PLEKHS1: variants seen among roughly 807,000 people sequenced by gnomAD.
PLEKHS1 encodes the protein pleckstrin homology domain-containing family S member 1.
Under a neutral mutation model 51.0 loss-of-function variants are expected in PLEKHS1, and 55 were observed. That is an observed-to-expected ratio of 1.08 (90% CI 0.87 to 1.35). The LOEUF (loss-of-function observed/expected upper bound fraction) is 1.35, where lower values mean the gene tolerates loss of function less well. Among genes scored for constraint, PLEKHS1 ranks in the 40% most tolerant of loss-of-function variants. PLEKHS1 has a pLI of 0.00. For missense variants in PLEKHS1, 398 were observed against 423.0 expected (o/e 0.94, Z 0.52); for synonymous variants, 153 against 144.8 (o/e 1.06, Z -0.41).
intron 1 of PLEKHS1, among the ~76,000 whole-genome samples, chr10:113,754,876 C>T (rs373077221): frequency 7.9e-5 from 12 of 152,322 alleles, no homozygotes; most frequent in African/African-American, 2.9e-4. Flanking sequence ...GATGCTTTCT[C>T]GGCTACGTTG....
intron 2 of PLEKHS1, among the ~76,000 whole-genome samples, chr10:113,764,119 G>C (rs951663386): frequency 6.6e-6 from 1 of 152,032 alleles, no homozygotes; most frequent in Non-Finnish European, 1.5e-5. Flanking sequence ...TGTTTGTTTT[G>C]AGATGGAGTC....
chr10:113,780,310 C>G (rs997303087), intron 11 of PLEKHS1, among the ~76,000 whole-genome samples: 2 of 152,118 alleles, frequency 1.3e-5, no homozygotes, highest in African/African-American at 4.8e-5. Flanking sequence ...TTTGAAGAGG[C>G]CTTTTTAATT....
At chr10:113,770,030 T>G in intron 7 of PLEKHS1, 130 bp downstream of exon 7, 1 of 729,262 alleles carries the variant, frequency 1.4e-6, no homozygotes, top group South Asian at 1.6e-5. Context: ...TAAGAAAGAT[T>G]CTTAGCCCTG....
chr10:113,759,452 C>G (rs938589484), intron 2 of PLEKHS1, among the ~76,000 whole-genome samples: 2 of 152,200 alleles, frequency 1.3e-5, no homozygotes, highest in Non-Finnish European at 2.9e-5. Context: ...CACACCCAAT[C>G]CCAGTCCCCA....
chr10:113,754,703 C>T (rs1190066112), intron 1 of PLEKHS1, among the ~76,000 whole-genome samples: 8 of 152,092 alleles, frequency 5.3e-5, no homozygotes, highest in Non-Finnish European at 8.8e-5. Flanking sequence ...TCAGGCTGGT[C>T]TCGAACTCCT....
intron 10 of PLEKHS1, 78 bp from the exon 11 acceptor site, chr10:113,775,687 C>T (rs1433298835): frequency 2.3e-6 from 2 of 884,272 alleles, no homozygotes; most frequent in Non-Finnish European, 3.5e-6. Context: ...AAATAGAGGC[C>T]AAAAGTCTAC....
At chr10:113,765,282 A>G (rs966383680) in intron 2 of PLEKHS1, 90 of 761,072 alleles carry the variant, frequency 1.2e-4, no homozygotes, top group Non-Finnish European at 6.1e-5. Flanking sequence ...TGCTCAGTGT[A>G]GAACTAGTAA....
At chr10:113,771,938 A>G (rs1320210372) in intron 7 of PLEKHS1, 32 bp from the exon 8 acceptor site, 3 of 1,589,326 alleles carry the variant, frequency 1.9e-6, no homozygotes, top group Non-Finnish European at 2.6e-6. Context: ...CTTGCAAAGA[A>G]AAAGCAAAGC....
intron 4 of PLEKHS1, 40 bp downstream of exon 4, chr10:113,766,758 C>A (rs773454306): frequency 3.4e-5 from 49 of 1,424,202 alleles, no homozygotes; most frequent in Non-Finnish European, 3.0e-5. Flanking sequence ...ACAACAAATA[C>A]TATAAAGTCA....
At chr10:113,769,340 G>A (rs1844297638) in intron 6 of PLEKHS1, among the ~76,000 whole-genome samples, 1 of 152,182 alleles carries the variant, frequency 6.6e-6, no homozygotes, top group Non-Finnish European at 1.5e-5. Context: ...AAGGGCCTCT[G>A]CTAATGTTCC....
At chr10:113,775,120 T>A in intron 10 of PLEKHS1, 85 bp downstream of exon 10, 2 of 1,248,532 alleles carry the variant, frequency 1.6e-6, no homozygotes, top group Non-Finnish European at 1.1e-6. Context: ...AGAATTTAAA[T>A]TTTAAAGCTG....
intron 1 of PLEKHS1, among the ~76,000 whole-genome samples, 175 bp downstream of exon 1, chr10:113,751,936 T>C (rs1853860137): frequency 6.6e-6 from 1 of 152,188 alleles, no homozygotes; most frequent in African/African-American, 2.4e-5. Context: ...CAGAGGGAAA[T>C]AGGACTGACC....
chr10:113,751,912 G>A (rs1564812508), intron 1 of PLEKHS1, among the ~76,000 whole-genome samples, 151 bp downstream of exon 1: 2 of 152,086 alleles, frequency 1.3e-5, no homozygotes, highest in East Asian at 1.9e-4. Flanking sequence ...AAGCTTCCTA[G>A]GCTATACTAT....
intron 11 of PLEKHS1, chr10:113,777,846 T>C: frequency 7.8e-7 from 1 of 1,275,518 alleles, no homozygotes; most frequent in African/African-American, 1.5e-5. Context: ...TATGTGGTGC[T>C]GGGCACGGTG....
intron 4 of PLEKHS1, 113 bp downstream of exon 4, chr10:113,766,831 C>A: frequency 2.6e-6 from 2 of 768,340 alleles, no homozygotes. Flanking sequence ...CTGCTTCAAG[C>A]TGATTATAAT....
rs561509259 is a variant in PLEKHS1, at chr10:113,760,894, T to G, written c.29-5517T>G. ...AAGAATACATTGTCAAATCCAAGATTATAAAAATTTACACCTATGTTTTCT... is the reference window on the plus strand; with the variant it reads ...AAGAATACATTGTCAAATCCAAGATGATAAAAATTTACACCTATGTTTTCT... On this transcript the variant is annotated intron_variant, in intron 2 of 11. Coordinates refer to ENST00000361048, the Ensembl canonical transcript of PLEKHS1. Among the ~76,000 whole-genome samples, 4 of 152,184 alleles carry G rather than the reference T, an allele frequency of 2.6e-5. No homozygotes were observed. In the South Asian group the frequency reaches 8.3e-4, roughly 32 times the overall value.
chr10:113,755,250 T>G lies in PLEKHS1; in HGVS notation c.-19-9T>G. ...TTTGGGGACTAACACTAACCCTTCC[T>G]TTTGACAGGGGAGGACACACAGCCA... On this transcript the variant is annotated splice_polypyrimidine_tract_variant and intron_variant, in intron 1 of 11. Transcript: ENST00000361048. 6.2e-7 allele frequency: 1 copy of G among 1,604,260 alleles called. No homozygotes were observed. Among genetic ancestry groups the G allele is most frequent in the Non-Finnish European group, 8.5e-7 (1 of 1,176,040 alleles).
At chr10:113,771,173 T>C (rs925743234) in intron 7 of PLEKHS1, 1 of 152,208 alleles carries the variant, frequency 6.6e-6, no homozygotes, top group Non-Finnish European at 1.5e-5. Context: ...TGGAAACCCA[T>C]AATTCATACT....
intron 2 of PLEKHS1, among the ~76,000 whole-genome samples, chr10:113,761,211 G>A (rs1016963808): frequency 8.5e-5 from 13 of 152,124 alleles, no homozygotes. Context: ...TTGAAATTGG[G>A]AAGTGTGTGT....
Sources: gnomAD v4.1 joint callset for allele counts (sites outside exome capture counted in the v4.1 genomes callset) on GRCh38, gnomAD v4.1.1 for gene constraint, MANE v1.5 for transcripts, NCBI Gene and HGNC (gene_info 2026-07-23, HGNC 2026-07-21) for gene names.